The following PLXNA4 variants were observed in gnomAD, a reference collection of about 807,000 sequenced individuals.
The protein encoded by PLXNA4 is plexin A4.
Under a neutral mutation model 191.8 loss-of-function variants are expected in PLXNA4, and 44 were observed. That is an observed-to-expected ratio of 0.23 (90% CI 0.18 to 0.29). PLXNA4 has a LOEUF of 0.29. Among genes scored for constraint, PLXNA4 ranks in the 10% least tolerant of loss-of-function variants. PLXNA4 has a pLI of 1.00. For missense variants in PLXNA4, 1,800 were observed against 2,488.8 expected (o/e 0.72, Z 5.89); for synonymous variants, 1,082 against 1,009.5 (o/e 1.07, Z -1.36).
intron 2 of PLXNA4, among the ~76,000 whole-genome samples, chr7:132,612,030 T>C (rs1361721294): frequency 1.3e-5 from 2 of 152,182 alleles, no homozygotes; most frequent in African/African-American, 2.4e-5. Flanking sequence ...TCAAGATTGC[T>C]GTTTTGAGCT....
At chr7:132,352,615 G>A (rs572055352) in intron 3 of PLXNA4, among the ~76,000 whole-genome samples, 34 of 152,296 alleles carry the variant, frequency 2.2e-4, no homozygotes, top group African/African-American at 7.7e-4. Flanking sequence ...GGAGGGATAT[G>A]GGAAAAAGTT....
At chr7:132,550,095 ATACCCCACCTGC>A (rs1243758662) in intron 1 of PLXNA4, among the ~76,000 whole-genome samples, 1 of 152,130 alleles carries the variant, frequency 6.6e-6, no homozygotes, top group Non-Finnish European at 1.5e-5. Flanking sequence ...GGCTAGGGCT[ATACCCCACCTGC>A]TGCCCAAGGG....
At chr7:132,355,077 C>G (rs1469752010) in intron 3 of PLXNA4, among the ~76,000 whole-genome samples, 1 of 152,224 alleles carries the variant, frequency 6.6e-6, no homozygotes, top group Non-Finnish European at 1.5e-5. Flanking sequence ...CCCCCTCTTC[C>G]TGCCTCTAGT....
rs142765531 is a variant in PLXNA4, at chr7:132,168,064, G to A, written c.4286+240C>T. Among the ~76,000 whole-genome samples the A allele has an allele frequency of 8.8e-3, 1,335 of 152,286 alleles. 61 individuals are homozygous for A. Among genetic ancestry groups the A allele is most frequent in the Admixed American group, 0.079 (1,206 of 15,300 alleles). ...GGCAGAGAAGGAAAAATGGAGATTC[G>A]ACAAAGGGGCAAGAGAACAAGAGGG... is the stretch of plus-strand genomic sequence containing the variant. On this transcript the variant is annotated intron_variant, in intron 22 of 31. Coordinates refer to ENST00000321063, the MANE Select transcript of PLXNA4 (RefSeq NM_020911.2).
At chr7:132,164,517 C>A (rs117408584) in intron 23 of PLXNA4, among the ~76,000 whole-genome samples, 2,135 of 152,298 alleles carry the variant, frequency 0.014, 26 homozygotes, top group South Asian at 0.055. Flanking sequence ...CTACCCATTT[C>A]TCCTTTCCTA....
chr7:132,644,478 C>T (rs914657929), intron 2 of PLXNA4, among the ~76,000 whole-genome samples: 9 of 152,222 alleles, frequency 5.9e-5, no homozygotes, highest in Non-Finnish European at 1.2e-4. Flanking sequence ...GCCCAGTGTC[C>T]TCCTTCTCAC....
intron 30 of PLXNA4, among the ~76,000 whole-genome samples, chr7:132,136,293 C>T (rs1473661454): frequency 1.3e-5 from 2 of 152,204 alleles, no homozygotes; most frequent in African/African-American, 4.8e-5. Context: ...GAACTTTAAA[C>T]AAGCATTCTC....
chr7:132,337,852 C>T (rs1213852758), intron 3 of PLXNA4, among the ~76,000 whole-genome samples: 1 of 152,204 alleles, frequency 6.6e-6, no homozygotes, highest in Non-Finnish European at 1.5e-5. Flanking sequence ...AAACAGAAAG[C>T]CACTCCCAGT....
chr7:132,164,557 C>T lies in PLXNA4; in HGVS notation c.4354-269G>A, dbSNP rs985043956. On this transcript the variant is annotated intron_variant, in intron 23 of 31. Transcript: ENST00000321063. ...CGCCTCTCCAGGGCTCTTTCTTCCT[C>T]CCCCGCTCCCCTCCCCTCCTGCCCT... 2.6e-5 allele frequency among the ~76,000 whole-genome samples: 4 copies of T among 152,230 alleles called. No homozygotes were observed. The South Asian group carries it at 8.3e-4, about 32-fold the overall frequency.
At chr7:132,645,593 T>C (rs1043714116) in intron 2 of PLXNA4, among the ~76,000 whole-genome samples, 1 of 152,198 alleles carries the variant, frequency 6.6e-6, no homozygotes, top group Non-Finnish European at 1.5e-5. Context: ...TGGGAGAGGA[T>C]CTTAGGCAGC....
At chr7:132,549,564 G>C (rs978849114) in intron 1 of PLXNA4, among the ~76,000 whole-genome samples, 1 of 152,110 alleles carries the variant, frequency 6.6e-6, no homozygotes, top group Non-Finnish European at 1.5e-5. Context: ...ATCAATGCAG[G>C]AAAAACCTTA....
At chr7:132,471,662 G>A (rs1054403259) in intron 3 of PLXNA4, among the ~76,000 whole-genome samples, 1 of 152,122 alleles carries the variant, frequency 6.6e-6, no homozygotes, top group Non-Finnish European at 1.5e-5. Context: ...TAATCCCTGG[G>A]ACCGTTTGAG....
chr7:132,590,317 T>C (rs545463823), intron 2 of PLXNA4, among the ~76,000 whole-genome samples: 1 of 152,348 alleles, frequency 6.6e-6, no homozygotes, highest in East Asian at 1.9e-4. Flanking sequence ...AAATGCCTAT[T>C]GTATTAGTCA....
intron 3 of PLXNA4, among the ~76,000 whole-genome samples, chr7:132,299,294 T>C (rs1172655696): frequency 6.6e-6 from 1 of 152,200 alleles, no homozygotes; most frequent in Non-Finnish European, 1.5e-5. Context: ...ATATTCCAAA[T>C]ATTCCCATTA....
intron 3 of PLXNA4, among the ~76,000 whole-genome samples, chr7:132,324,958 G>A (rs1802303879): frequency 6.6e-6 from 1 of 152,122 alleles, no homozygotes; most frequent in African/African-American, 2.4e-5. Context: ...CCCCTGAAAA[G>A]CACAAAACAG....
At chr7:132,344,322 T>C (rs993954826) in intron 3 of PLXNA4, among the ~76,000 whole-genome samples, 3 of 152,194 alleles carry the variant, frequency 2.0e-5, no homozygotes, top group Non-Finnish European at 2.9e-5. Context: ...ATTTTCTACA[T>C]GTGCTACGAT....
chr7:132,136,665 T>G (rs1382732775), intron 30 of PLXNA4, among the ~76,000 whole-genome samples: 3 of 152,188 alleles, frequency 2.0e-5, no homozygotes, highest in African/African-American at 7.2e-5. Context: ...GCAGAAATCC[T>G]GGGCCCAGAG....
intron 14 of PLXNA4, among the ~76,000 whole-genome samples, chr7:132,190,613 T>C (rs779598153): frequency 6.6e-6 from 1 of 152,146 alleles, no homozygotes; most frequent in Non-Finnish European, 1.5e-5. Flanking sequence ...ACTGTGGGGA[T>C]CCCAAAGAAA....
At chr7:132,488,666 G>T (rs1797658395) in intron 3 of PLXNA4, among the ~76,000 whole-genome samples, 1 of 152,178 alleles carries the variant, frequency 6.6e-6, no homozygotes, top group South Asian at 2.1e-4. Flanking sequence ...CAACACAGCT[G>T]ATGAGCCAAG....
Sources: allele counts gnomAD v4.1 joint callset (sites outside exome capture counted in the v4.1 genomes callset), GRCh38; gene constraint gnomAD v4.1.1; transcripts MANE v1.5; gene names NCBI Gene and HGNC (gene_info 2026-07-23, HGNC 2026-07-21).